MCTP1: variants seen among roughly 807,000 people sequenced by gnomAD.
MCTP1 encodes the protein multiple C2 and transmembrane domain containing 1.
In MCTP1, 69 loss-of-function variants were observed where a neutral mutation model predicts 120.6. That is an observed-to-expected ratio of 0.57 (90% CI 0.47 to 0.70). The LOEUF is 0.70. Among genes scored for constraint, MCTP1 ranks in the 30% least tolerant of loss-of-function variants. The pLI, the probability that MCTP1 is intolerant of heterozygous loss-of-function variation, is 0.00. For synonymous variants in MCTP1, 529 were observed against 493.1 expected (o/e 1.07, Z -0.96); for missense variants, 1,203 against 1,248.8 (o/e 0.96, Z 0.55).
chr5:95,030,037 C>T (rs955474700), intron 1 of MCTP1, among the ~76,000 whole-genome samples: 7 of 152,032 alleles, frequency 4.6e-5, no homozygotes, highest in Non-Finnish European at 7.4e-5. Flanking sequence ...CTGATCTGGC[C>T]GGGGAAGAGG....
At chr5:94,798,114 AAC>A (rs1210368097) in intron 18 of MCTP1, among the ~76,000 whole-genome samples, 4 of 149,608 alleles carry the variant, frequency 2.7e-5, no homozygotes, top group South Asian at 2.1e-4. Context: ...AAAAAAAAAA[AAC>A]ATAGTAATCT....
intron 1 of MCTP1, among the ~76,000 whole-genome samples, chr5:95,136,215 TATCACTCCTCTGTGA>T (rs1759434066): frequency 6.6e-6 from 1 of 152,220 alleles, no homozygotes; most frequent in Non-Finnish European, 1.5e-5. Flanking sequence ...CCCAATGAAA[TATCACTCCTCTGTGA>T]ATCCTTCCCT....
At chr5:94,848,606 A>C (rs980715533) in intron 17 of MCTP1, among the ~76,000 whole-genome samples, 1 of 152,110 alleles carries the variant, frequency 6.6e-6, no homozygotes. Context: ...AATAACAGAC[A>C]TAAGTTCCTT....
chr5:95,157,293 C>CT (rs1315541379), intron 1 of MCTP1, among the ~76,000 whole-genome samples: 9 of 152,096 alleles, frequency 5.9e-5, no homozygotes, highest in Non-Finnish European at 8.8e-5. Flanking sequence ...AATAGCCAAT[C>CT]TTTGATAGAA....
intron 17 of MCTP1, among the ~76,000 whole-genome samples, chr5:94,852,339 C>T (rs1191790235): frequency 1.3e-5 from 2 of 151,584 alleles, no homozygotes; most frequent in Non-Finnish European, 2.9e-5. Context: ...TTTATATTGC[C>T]CTCTTAGGCA....
At chr5:94,798,416 A>G (rs2153015804) in intron 18 of MCTP1, among the ~76,000 whole-genome samples, 1 of 152,316 alleles carries the variant, frequency 6.6e-6, no homozygotes, top group South Asian at 2.1e-4. Context: ...CAAAAATGCC[A>G]GAGGACAGGT....
intron 1 of MCTP1, among the ~76,000 whole-genome samples, chr5:95,232,545 G>A (rs377005735): frequency 8.0e-4 from 118 of 148,196 alleles, no homozygotes; most frequent in African/African-American, 2.7e-3. Context: ...TGCAAGCTCC[G>A]CCTCCCAGGT....
At chr5:94,967,650 A>G (rs1241453092) in intron 2 of MCTP1, among the ~76,000 whole-genome samples, 1 of 152,228 alleles carries the variant, frequency 6.6e-6, no homozygotes, top group African/African-American at 2.4e-5. Flanking sequence ...AGACACAGAG[A>G]TGTTCGAGAC....
chr5:94,906,293 C>T (rs1806885762), intron 10 of MCTP1, among the ~76,000 whole-genome samples: 2 of 152,074 alleles, frequency 1.3e-5, no homozygotes, highest in Admixed American at 1.3e-4. Context: ...CAAGAACAGC[C>T]TTGGCAGCAT....
At chr5:95,265,717 T>C (rs1382549526) in intron 1 of MCTP1, among the ~76,000 whole-genome samples, 1 of 152,236 alleles carries the variant, frequency 6.6e-6, no homozygotes, top group Non-Finnish European at 1.5e-5. Context: ...AAGTGGAATG[T>C]CTGTGCTACC....
At chr5:94,959,220 C>A (rs916103172) in intron 2 of MCTP1, among the ~76,000 whole-genome samples, 3 of 151,994 alleles carry the variant, frequency 2.0e-5, no homozygotes, top group African/African-American at 7.2e-5. Flanking sequence ...AAATCCAACA[C>A]CCTTTCATGC....
At chr5:95,265,679 A>G (rs1226695176) in intron 1 of MCTP1, among the ~76,000 whole-genome samples, 1 of 152,212 alleles carries the variant, frequency 6.6e-6, no homozygotes, top group Non-Finnish European at 1.5e-5. Context: ...CCCAAGACAC[A>G]GGGATTCCCA....
At chr5:94,915,193 A>G (rs1581333822) in intron 8 of MCTP1, among the ~76,000 whole-genome samples, 1 of 152,336 alleles carries the variant, frequency 6.6e-6, no homozygotes, top group African/African-American at 2.4e-5. Context: ...AAACCCCATG[A>G]GGTCAGAAGG....
intron 2 of MCTP1, among the ~76,000 whole-genome samples, chr5:94,957,788 C>G (rs950112495): frequency 6.6e-6 from 1 of 152,206 alleles, no homozygotes; most frequent in Non-Finnish European, 1.5e-5. Context: ...TAGAGACCTA[C>G]AAAGAGACTT....
intron 19 of MCTP1, among the ~76,000 whole-genome samples, chr5:94,753,542 C>A (rs969698289): frequency 1.4e-4 from 21 of 152,098 alleles, no homozygotes; most frequent in Non-Finnish European, 1.6e-4. Flanking sequence ...TCATTTATTT[C>A]CTTTGTTGTA....
intron 1 of MCTP1, among the ~76,000 whole-genome samples, chr5:95,216,053 C>A (rs987049922): frequency 7.0e-4 from 106 of 152,182 alleles, no homozygotes; most frequent in Middle Eastern, 3.4e-3. Flanking sequence ...AATTTACTTT[C>A]TTTGATGTTG....
At position 94,947,577 on chromosome 5, in the gene MCTP1, T is replaced by TATATATATAGAGAG; in HGVS notation, c.982-5151_982-5150insCTCTCTATATATAT. The stretch of plus-strand genomic sequence containing the variant: ...CTAAATATATATATATATATATATA[T>TATATATATAGAGAG]AGAGAGAGAGAGAGAGAGAGAGAGA... On this transcript the variant is annotated intron_variant, in intron 3 of 22. Transcript: ENST00000515393. 7.6e-4 allele frequency among the ~76,000 whole-genome samples: 36 copies of TATATATATAGAGAG among 47,394 alleles called. 1 individual carries two copies. Among genetic ancestry groups the TATATATATAGAGAG allele is most frequent in the Admixed American group, 1.5e-3 (6 of 3,948 alleles). 31.1% of individuals were successfully genotyped at this position (47,394 alleles called of 152,430 possible). A position where few individuals can be genotyped will look rare whatever the true frequency, so the allele number is the denominator to read the frequency against.
chr5:95,021,208 T>A (rs937965325), intron 1 of MCTP1, among the ~76,000 whole-genome samples: 1 of 152,036 alleles, frequency 6.6e-6, no homozygotes, highest in Non-Finnish European at 1.5e-5. Flanking sequence ...CTTGTCAGGT[T>A]GTGAGCATTA....
intron 17 of MCTP1, among the ~76,000 whole-genome samples, chr5:94,847,488 C>T (rs1561740693): frequency 6.6e-6 from 1 of 151,944 alleles, no homozygotes; most frequent in East Asian, 1.9e-4. Flanking sequence ...AGCTCTGAGA[C>T]GTATCTATCT....
Sources: gnomAD v4.1 joint callset for allele counts (sites outside exome capture counted in the v4.1 genomes callset) on GRCh38, gnomAD v4.1.1 for gene constraint, MANE v1.5 for transcripts, NCBI Gene and HGNC (gene_info 2026-07-23, HGNC 2026-07-21) for gene names.